FZD8: variants seen among roughly 807,000 people sequenced by gnomAD.
The protein encoded by FZD8 is frizzled-8.
Under a neutral mutation model 46.0 loss-of-function variants are expected in FZD8, and 18 were observed. The ratio of observed to expected loss-of-function variants is 0.39; its 90% CI spans 0.27 to 0.58. FZD8 has a LOEUF of 0.58. Ranked by LOEUF, FZD8 falls within the 20% of genes least tolerant of loss-of-function variation. The pLI, the probability that FZD8 is intolerant of heterozygous loss-of-function variation, is 0.55. For synonymous variants in FZD8, 586 were observed against 467.9 expected (o/e 1.25, Z -3.26); for missense variants, 785 against 983.4 (o/e 0.80, Z 2.70).
rs978444609 is a variant in FZD8 at position 35,640,887 on chromosome 10, G to A, written c.543C>T (p.Gly181=). Residue 181 remains glycine (G), a synonymous_variant, in exon 1 of 1, where the codon GGC becomes GGT. Coordinates refer to ENST00000374694, the MANE Select transcript of FZD8 (RefSeq NM_031866.3). The part of the protein sequence containing the change: ...PPGEQPPSGS[G]HGRPPGARPP... ...GCCTGGCCCCCGGCGGGCGGCCGTG[G>A]CCGCTGCCCGAAGGCGGCTGCTCGC... 1.2e-5 allele frequency: 12 copies of A among 1,012,972 alleles called. No individual in the cohort carries two copies. Among genetic ancestry groups the A allele is most frequent in the Non-Finnish European group, 1.4e-5 (12 of 850,844 alleles). The allele number at this position is 1,012,972 out of a possible 1,614,324, so 62.7% of individuals were successfully genotyped here. A position where few individuals can be genotyped will look rare whatever the true frequency, so the allele number is the denominator to read the frequency against.
In FZD8 at chr10:35,639,754, G is replaced by A; in HGVS notation, c.1676C>T (p.Pro559Leu). 1.2e-6 allele frequency: 2 copies of A among 1,600,618 alleles called. No individual in the cohort carries two copies. Among genetic ancestry groups the A allele is most frequent in the Middle Eastern group, 3.3e-4 (2 of 6,060 alleles). The change falls in exon 1 of 1, where the codon CCG (proline) becomes CTG (leucine). Residue 559 changes from proline (P) to leucine (L), a missense_variant. Transcript: ENST00000374694. Reference sequence around the variant, plus strand: ...GCAGTTGTGCGTGGCCTCCCAGCGCGGGCGGTTGTGCTGCTCGTAGAAGAG... The same window carrying A: ...GCAGTTGTGCGTGGCCTCCCAGCGCAGGCGGTTGTGCTGCTCGTAGAAGAG... ...ACLFYEQHNRPRWEATHNCPC... is the reference protein window; with the variant it reads ...ACLFYEQHNRLRWEATHNCPC...
Position 35,641,494 on chromosome 10 carries a change from G to GGGGC in FZD8, c.-66_-65insGCCC, listed in dbSNP as rs1554808068. 1 of 1,505,924 alleles carries GGGGC rather than the reference G, an allele frequency of 6.6e-7. No homozygotes were observed. The highest frequency in any genetic ancestry group is 1.4e-5 in the African/African-American group (1 of 71,468). The allele number at this position is 1,505,924 out of a possible 1,614,324, so 93.3% of individuals were successfully genotyped here. A position where few individuals can be genotyped will look rare whatever the true frequency, so the allele number is the denominator to read the frequency against. ...CGCGCAGAGGGGTGCCGGGGGGGGG[G>GGGGC]CCCACGAGAGAGCCGCAGACGGGTA... On this transcript the variant is annotated 5_prime_UTR_variant, in exon 1 of 1. Transcript: ENST00000374694. This position sits in a 1 kb window ranked among gnomAD's most constrained non-coding sequence, Gnocchi z 6.3.
Position 35,639,358 on chromosome 10 carries a change from A to T in FZD8, c.2072T>A (p.Leu691Ter). The T allele has an allele frequency of 7.0e-7, 1 of 1,422,098 alleles. No individual in the cohort carries two copies. The highest frequency in any genetic ancestry group is 9.3e-7 in the Non-Finnish European group (1 of 1,070,276). The allele number at this position is 1,422,098 out of a possible 1,614,324, so 88.1% of individuals were successfully genotyped here. ...CCTCCCCTCCGCTCAGACCTGGGAC[A>T]ATGGCATCTGCTTTGGATAAGACAC... ...SSVSYPKQMP[L>*]SQV Residue 691 changes from leucine to a stop codon, truncating the protein, a stop_gained, in exon 1 of 1, where the codon TTG becomes TAG. Coordinates refer to ENST00000374694, the MANE Select transcript of FZD8 (RefSeq NM_031866.3). LOFTEE classifies it high-confidence loss of function.
chr10:35,641,486 G>GGGGA lies in FZD8; in HGVS notation c.-58_-57insTCCC. ...CCAGGCGGCGCGCAGAGGGGTGCCG[G>GGGGA]GGGGGGGGCCCACGAGAGAGCCGCA... On this transcript the variant is annotated 5_prime_UTR_variant, in exon 1 of 1. Coordinates refer to ENST00000374694, the MANE Select transcript of FZD8 (RefSeq NM_031866.3). The surrounding 1 kb of genome is among the most constrained non-coding windows in gnomAD (Gnocchi z 6.3). 1 of 1,509,350 alleles carries GGGGA rather than the reference G, an allele frequency of 6.6e-7. No homozygotes were observed. Among genetic ancestry groups the GGGGA allele is most frequent in the African/African-American group, 1.4e-5 (1 of 72,260 alleles). 93.5% of individuals were successfully genotyped at this position (1,509,350 alleles called of 1,614,324 possible).
chr10:35,638,480 C>CTA lies in FZD8; in HGVS notation c.*864_*865insTA, dbSNP rs1348861380. The CTA allele has an allele frequency of 6.5e-6, 1 of 152,678 alleles. No homozygotes were observed. Among genetic ancestry groups the CTA allele is most frequent in the African/African-American group, 2.4e-5 (1 of 41,460 alleles). The allele number at this position is 152,678 out of a possible 1,614,324, so 9.5% of individuals were successfully genotyped here. On this transcript the variant is annotated 3_prime_UTR_variant, in exon 1 of 1. Transcript: ENST00000374694. ...TAACAACTTAAGAACTAGAGTTTAACAAGTAATTTTCTCCATGCCTAAGGT... is the reference window on the plus strand; with the variant it reads ...TAACAACTTAAGAACTAGAGTTTAACTAAAGTAATTTTCTCCATGCCTAAGGT...
In FZD8 at chr10:35,641,081, C is replaced by G. The variant is rs1356758155; in HGVS notation, c.349G>C (p.Gly117Arg). 1 of 1,610,198 alleles carries G rather than the reference C, an allele frequency of 6.2e-7. No individual in the cohort carries two copies. The highest frequency in any genetic ancestry group is 2.2e-5 in the East Asian group (1 of 44,752). The change falls in exon 1 of 1, where the codon GGC (glycine) becomes CGC (arginine). Residue 117 changes from glycine (G) to arginine (R), a missense_variant. Physicochemically the swap from Gly to Arg is moderately radical, Grantham distance 125. This residue lies in a region of FZD8 where 354 missense variants were observed against 433.2 expected (regional missense o/e 0.82). Transcript: ENST00000374694. The surrounding 1 kb of genome is among the most constrained non-coding windows in gnomAD (Gnocchi z 6.3). ...TACTGGCGCATGAGCGGCGCGCAGC[C>G]GGCCTTGGCGCGCTCGCACACCGAG... ...CRSVCERAKA[G>R]CAPLMRQYGF...
At position 35,638,569 on chromosome 10, in the gene FZD8, A is replaced by C. The variant is rs1835798795; in HGVS notation, c.*776T>G. The C allele has an allele frequency of 6.6e-6, 1 of 152,570 alleles. No individual in the cohort carries two copies. Among genetic ancestry groups the C allele is most frequent in the South Asian group, 2.1e-4 (1 of 4,824 alleles). 9.5% of individuals were successfully genotyped at this position (152,570 alleles called of 1,614,324 possible). A position where few individuals can be genotyped will look rare whatever the true frequency, so the allele number is the denominator to read the frequency against. Reference sequence around the variant, plus strand: ...CCCATGCGTCCTTAGCAAGCACTTTAAAGGTGACAGCTCAGAAGAGGCGGG... The same window carrying C: ...CCCATGCGTCCTTAGCAAGCACTTTCAAGGTGACAGCTCAGAAGAGGCGGG... On this transcript the variant is annotated 3_prime_UTR_variant, in exon 1 of 1. Coordinates refer to ENST00000374694, the MANE Select transcript of FZD8 (RefSeq NM_031866.3).
rs1231870066 is a variant in FZD8 at position 35,639,462 on chromosome 10, CCCG to C, written c.1965_1967del (p.Gly657del). On this transcript the variant is annotated inframe_deletion, in exon 1 of 1. Transcript: ENST00000374694. ...GGGAGCCCCCGCCGCCGCCCGGCCC[CCCG>C]CCGCCGCCGGGTCCCCCGCCGCCGC... The C allele has an allele frequency of 3.9e-6, 4 of 1,038,828 alleles. No homozygotes were observed. The highest frequency in any genetic ancestry group is 4.7e-6 in the Non-Finnish European group (4 of 854,910). The allele number at this position is 1,038,828 out of a possible 1,614,324, so 64.4% of individuals were successfully genotyped here. A position where few individuals can be genotyped will look rare whatever the true frequency, so the allele number is the denominator to read the frequency against.
chr10:35,640,006 T>C lies in FZD8; in HGVS notation c.1424A>G (p.Asn475Ser). ...DPVAGICYVG[N>S]QSLDNLRGFV... ...GCCGCGCAGGTTGTCCAGGCTCTGGTTGCCCACGTAGCAGATGCCCGCCAC... is the reference window on the plus strand; with the variant it reads ...GCCGCGCAGGTTGTCCAGGCTCTGGCTGCCCACGTAGCAGATGCCCGCCAC... The change falls in exon 1 of 1, where the codon AAC becomes AGC. Residue 475 changes from asparagine to serine, a missense_variant. Asn to Ser is a conservative substitution (Grantham distance 46). This residue lies in a region of FZD8 where 147 missense variants were observed against 242.5 expected (regional missense o/e 0.61). Transcript: ENST00000374694. 1.2e-6 allele frequency: 2 copies of C among 1,612,110 alleles called. No homozygotes were observed. The highest frequency in any genetic ancestry group is 1.7e-6 in the Non-Finnish European group (2 of 1,179,820).
In FZD8 at chr10:35,638,664, C is replaced by T. The variant is rs188557882; in HGVS notation, c.*681G>A. ...ACAAAATAGAATACTTATATCTGTT[C>T]TTACAGGGGTAAGCCTCTAAACTTT... On this transcript the variant is annotated 3_prime_UTR_variant, in exon 1 of 1. Coordinates refer to ENST00000374694, the MANE Select transcript of FZD8 (RefSeq NM_031866.3). 809 of 152,434 alleles carry T rather than the reference C, an allele frequency of 5.3e-3. 10 individuals are homozygous for T. The highest frequency in any genetic ancestry group is 0.014 in the Middle Eastern group (4 of 294). 9.4% of individuals were successfully genotyped at this position (152,434 alleles called of 1,614,324 possible). A position where few individuals can be genotyped will look rare whatever the true frequency, so the allele number is the denominator to read the frequency against.
At position 35,639,346 on chromosome 10, in the gene FZD8, C is replaced by T; in HGVS notation, c.2084G>A (p.Ter695=). Residue 695 remains the stop codon, a stop_retained_variant, in exon 1 of 1, where the codon TGA becomes TAA. Transcript: ENST00000374694. ...YPKQMPLSQV[*] ...TCCTGGGCGCCCCCTCCCCTCCGCT[C>T]AGACCTGGGACAATGGCATCTGCTT... 3 of 1,431,230 alleles carry T rather than the reference C, an allele frequency of 2.1e-6. No homozygotes were observed. The highest frequency in any genetic ancestry group is 2.9e-5 in the African/African-American group (2 of 67,886). 88.7% of individuals were successfully genotyped at this position (1,431,230 alleles called of 1,614,324 possible). A position where few individuals can be genotyped will look rare whatever the true frequency, so the allele number is the denominator to read the frequency against.
Position 35,639,537 on chromosome 10 carries a change from C to A in FZD8, c.1893G>T (p.Gly631=). The stretch of plus-strand genomic sequence containing the variant: ...CCCCCGCGGCCGTGGCGCCCGCGCC[C>A]CCGCCCACCGCGGCGCCCTTGCTGG... The part of the protein sequence containing the change: ...CWASKGAAVG[G]GAGATAAGGG... The change falls in exon 1 of 1, where the codon GGG becomes GGT. Residue 631 remains glycine, a synonymous_variant. Transcript: ENST00000374694. The A allele has an allele frequency of 7.4e-7, 1 of 1,343,270 alleles. No homozygotes were observed. The allele number at this position is 1,343,270 out of a possible 1,614,324, so 83.2% of individuals were successfully genotyped here.
In FZD8 at chr10:35,639,686, C is replaced by G; in HGVS notation, c.1744G>C (p.Asp582His). ...DLQPDQARRP[D>H]YAVFMLKYFM... Reference sequence around the variant, plus strand: ...TACTTGAGCATGAAGACGGCGTAGTCGGGCCTGCGTGCCTGGTCGGGCTGC... The same window carrying G: ...TACTTGAGCATGAAGACGGCGTAGTGGGGCCTGCGTGCCTGGTCGGGCTGC... Residue 582 changes from aspartate to histidine, a missense_variant, in exon 1 of 1, where the codon GAC becomes CAC. Asp to His is a moderately conservative substitution (Grantham distance 81). Transcript: ENST00000374694. 1 of 1,599,388 alleles carries G rather than the reference C, an allele frequency of 6.3e-7. No homozygotes were observed. The highest frequency in any genetic ancestry group is 8.5e-7 in the Non-Finnish European group (1 of 1,179,716).
Position 35,640,743 on chromosome 10 carries a change from C to G in FZD8, c.687G>C (p.Glu229Asp), listed in dbSNP as rs1461368092. ...TAGGCGCGCGGCACTGGCACCCGGG[C>G]TCGCAGGGAGCCGCGCCGCCGCCAG... is the stretch of plus-strand genomic sequence containing the variant. ...RPPGGGAAPC[E>D]PGCQCRAPMV... Residue 229 changes from glutamate to aspartate, a missense_variant, in exon 1 of 1, where the codon GAG (glutamate) becomes GAC (aspartate). Glu to Asp is a conservative substitution (Grantham distance 45). Coordinates refer to ENST00000374694, the MANE Select transcript of FZD8 (RefSeq NM_031866.3). 2 of 1,360,318 alleles carry G rather than the reference C, an allele frequency of 1.5e-6. No homozygotes were observed. The highest frequency in any genetic ancestry group is 5.7e-5 in the East Asian group (2 of 35,334). 84.3% of individuals were successfully genotyped at this position (1,360,318 alleles called of 1,614,324 possible). A position where few individuals can be genotyped will look rare whatever the true frequency, so the allele number is the denominator to read the frequency against.
In FZD8 at chr10:35,639,309, C is replaced by T. The variant is rs773394659; in HGVS notation, c.*36G>A. Reference sequence around the variant, plus strand: ...CGCTGCACTTGGCTCTCCTCGCCCCCCTCCCCACCCCTCCTGGGCGCCCCC... The same window carrying T: ...CGCTGCACTTGGCTCTCCTCGCCCCTCTCCCCACCCCTCCTGGGCGCCCCC... On this transcript the variant is annotated 3_prime_UTR_variant, in exon 1 of 1. Transcript: ENST00000374694. 1 of 842,622 alleles carries T rather than the reference C, an allele frequency of 1.2e-6. No homozygotes were observed. The highest frequency in any genetic ancestry group is 1.7e-6 in the Non-Finnish European group (1 of 576,826). The allele number at this position is 842,622 out of a possible 1,614,324, so 52.2% of individuals were successfully genotyped here.
In FZD8 at chr10:35,641,419, C is replaced by A; in HGVS notation, c.11G>T (p.Gly4Val). MEW[G>V]YLLEVTSLLA... ...CAGCGAGGTCACTTCCAACAGGTAA[C>A]CCCACTCCATGCTGTGCGCCTCGGC... The change falls in exon 1 of 1, where the codon GGT (glycine) becomes GTT (valine). Residue 4 changes from glycine to valine, a missense_variant. By Grantham distance (109) the Gly-to-Val change is moderately radical. This residue lies in a region of FZD8 where 354 missense variants were observed against 433.2 expected (regional missense o/e 0.82). Transcript: ENST00000374694. This position sits in a 1 kb window ranked among gnomAD's most constrained non-coding sequence, Gnocchi z 6.3. The A allele has an allele frequency of 1.2e-6, 2 of 1,608,282 alleles. No homozygotes were observed. The highest frequency in any genetic ancestry group is 1.7e-6 in the Non-Finnish European group (2 of 1,178,746).
At position 35,639,941 on chromosome 10, in the gene FZD8, T is replaced by C; in HGVS notation, c.1489A>G (p.Thr497Ala). ...ACGAAGCCGGCCAGCAGGAACATGG[T>C]GCCGATGAAGAGGTAGATGACCAGC... ...APLVIYLFIG[T>A]MFLLAGFVSL... The change falls in exon 1 of 1, where the codon ACC becomes GCC. Residue 497 changes from threonine to alanine, a missense_variant. Physicochemically the swap from Thr to Ala is moderately conservative, Grantham distance 58 (BLOSUM62 0). Around this residue, in one of 5 missense-constraint regions of FZD8, gnomAD observed 147 missense variants for 242.5 expected, o/e 0.61. Coordinates refer to ENST00000374694, the MANE Select transcript of FZD8 (RefSeq NM_031866.3). The C allele has an allele frequency of 1.2e-6, 2 of 1,612,910 alleles. No homozygotes were observed. Among genetic ancestry groups the C allele is most frequent in the Non-Finnish European group, 1.7e-6 (2 of 1,179,848 alleles).
chr10:35,639,523 G>A lies in FZD8; in HGVS notation c.1907C>T (p.Thr636Met), dbSNP rs781485656. 1.9e-5 allele frequency: 22 copies of A among 1,174,132 alleles called. No homozygotes were observed. The African/African-American group carries it at 3.1e-4, about 17-fold the overall frequency. 72.7% of individuals were successfully genotyped at this position (1,174,132 alleles called of 1,614,324 possible). Reference sequence around the variant, plus strand: ...CGGCCCGCCGCCACCCCCCGCGGCCGTGGCGCCCGCGCCCCCGCCCACCGC... The same window carrying A: ...CGGCCCGCCGCCACCCCCCGCGGCCATGGCGCCCGCGCCCCCGCCCACCGC... The part of the protein sequence containing the change: ...GAAVGGGAGA[T>M]AAGGGGGPGG... The change falls in exon 1 of 1, where the codon ACG becomes ATG. Residue 636 changes from threonine to methionine, a missense_variant. Transcript: ENST00000374694.
In FZD8 at chr10:35,638,523, A is replaced by G. The variant is rs568102461; in HGVS notation, c.*822T>C. ...CCTAAGGTCAGTGTACAGAATGACAAGCCAGAAAATGTCCATTTTCCCCAT... is the reference window on the plus strand; with the variant it reads ...CCTAAGGTCAGTGTACAGAATGACAGGCCAGAAAATGTCCATTTTCCCCAT... On this transcript the variant is annotated 3_prime_UTR_variant, in exon 1 of 1. Coordinates refer to ENST00000374694, the MANE Select transcript of FZD8 (RefSeq NM_031866.3). 3.3e-5 allele frequency: 5 copies of G among 152,700 alleles called. No individual in the cohort carries two copies. The highest frequency in any genetic ancestry group is 1.2e-4 in the African/African-American group (5 of 41,478). 9.5% of individuals were successfully genotyped at this position (152,700 alleles called of 1,614,324 possible). A position where few individuals can be genotyped will look rare whatever the true frequency, so the allele number is the denominator to read the frequency against.
Sources: gnomAD v4.1 joint callset for allele counts on GRCh38, gnomAD v4.1.1 for gene constraint, gnomAD v4.1.1 regional missense constraint, Gnocchi (gnomAD v3.1) non-coding constraint, MANE v1.5 for transcripts, NCBI Gene and HGNC (gene_info 2026-07-23, HGNC 2026-07-21) for gene names.